Variants in ITSN1 observed in about 807,000 individuals in gnomAD.
ITSN1 encodes intersectin-1.
A neutral mutation model predicts 239.8 loss-of-function variants in ITSN1; 58 were observed. The ratio of observed to expected loss-of-function variants is 0.24; its 90% CI spans 0.20 to 0.30. The LOEUF (loss-of-function observed/expected upper bound fraction) is 0.30, where lower values mean the gene tolerates loss of function less well. Ranked by LOEUF, ITSN1 falls within the 10% of genes least tolerant of loss-of-function variation. The pLI, the probability that ITSN1 is intolerant of heterozygous loss-of-function variation, is 1.00. For missense variants in ITSN1, 1,558 were observed against 2,103.3 expected, an observed-to-expected ratio of 0.74 and a Z score of 5.07; for synonymous variants, 780 against 770.8, an observed-to-expected ratio of 1.01 and a Z score of -0.20.
intron 4 of ITSN1, among the ~76,000 whole-genome samples, chr21:33,728,506 G>A (rs965412209): frequency 1.3e-5 from 2 of 152,240 alleles, no homozygotes; most frequent in East Asian, 1.9e-4. Context: ...GGGATTACAG[G>A]CTTGAGCCAC....
At chr21:33,836,408 G>A (rs763214695) in intron 28 of ITSN1, 33 bp from the exon 29 acceptor site, 6 of 1,530,288 alleles carry the variant, frequency 3.9e-6, no homozygotes, top group South Asian at 2.5e-5. Flanking sequence ...TCCGGCGGGT[G>A]TGCAGCCGCT....
At position 33,894,119 on chromosome 21, in the gene ITSN1, T is replaced by A. The variant is rs1323949124; in HGVS notation, c.*5819T>A. On this transcript the variant is annotated 3_prime_UTR_variant, in exon 40 of 40. Transcript: ENST00000381318. ...TTGGTGGCATTCAAGCAAGCCTAAT[T>A]GGATTAGGTTGGTGCAAAAGTGATT... The A allele has an allele frequency of 1.3e-5, 2 of 152,238 alleles. No individual in the cohort carries two copies. Among genetic ancestry groups the A allele is most frequent in the Non-Finnish European group, 2.9e-5 (2 of 68,038 alleles). The allele number at this position is 152,238 out of a possible 1,614,324, so 9.4% of individuals were successfully genotyped here.
chr21:33,700,038 C>T lies in ITSN1; in HGVS notation c.-32-18759C>T, dbSNP rs541807150. The stretch of plus-strand genomic sequence containing the variant: ...CAGCTTCCCAAAGTGCTAGGAGTAT[C>T]GGTGTGAGCCACCTGCCCTGCTTGA... On this transcript the variant is annotated intron_variant, in intron 1 of 39. Coordinates refer to ENST00000381318, the MANE Select transcript of ITSN1 (RefSeq NM_003024.3). Among the ~76,000 whole-genome samples, 206 of 151,332 alleles carry T rather than the reference C, an allele frequency of 1.4e-3. 1 individual carries two copies. The highest frequency in any genetic ancestry group is 4.5e-3 in the African/African-American group (185 of 41,238).
At chr21:33,791,091 A>G (rs2071090966) in intron 16 of ITSN1, among the ~76,000 whole-genome samples, 1 of 152,170 alleles carries the variant, frequency 6.6e-6, no homozygotes, top group African/African-American at 2.4e-5. Context: ...CCTTCTCGGA[A>G]GTTCAACTTT....
chr21:33,838,270 G>T (rs746723340), intron 29 of ITSN1: 37 of 985,342 alleles, frequency 3.8e-5, no homozygotes, highest in Non-Finnish European at 4.5e-5. Context: ...CTCCCCTCGC[G>T]TTCTCCCGGC....
rs1440879945 is a variant in ITSN1, at chr21:33,888,217, G to C, written c.5083G>C (p.Val1695Leu). 4 of 1,614,190 alleles carry C rather than the reference G, an allele frequency of 2.5e-6. No homozygotes were observed. In the South Asian group the frequency reaches 4.4e-5, roughly 18 times the overall value. Residue 1695 changes from valine (V) to leucine (L), a missense_variant, in exon 40 of 40, where the codon GTT becomes CTT. By Grantham distance (32) the Val-to-Leu change is conservative. Coordinates refer to ENST00000381318, the MANE Select transcript of ITSN1 (RefSeq NM_003024.3). ...IKKDQGSKGP[V>L]TKCLLLHEVP... ...GAAAGACCAGGGCTCCAAAGGTCCA[G>C]TTACGAAGTGTCTTCTGCTGCACGA... is the stretch of plus-strand genomic sequence containing the variant.
chr21:33,825,437 A>G (rs970956464), intron 25 of ITSN1, among the ~76,000 whole-genome samples: 13 of 152,204 alleles, frequency 8.5e-5, no homozygotes, highest in African/African-American at 3.1e-4. Flanking sequence ...TTCAGATACC[A>G]GAACTGACGT....
At chr21:33,704,936 A>G (rs1055427946) in intron 1 of ITSN1, among the ~76,000 whole-genome samples, 2 of 147,110 alleles carry the variant, frequency 1.4e-5, no homozygotes, top group African/African-American at 5.1e-5. Context: ...AAAAAAAAAA[A>G]AAAAAAAAAA....
At chr21:33,690,789 A>G (rs1488939284) in intron 1 of ITSN1, among the ~76,000 whole-genome samples, 1 of 9,866 alleles carries the variant, frequency 1.0e-4, no homozygotes, top group Non-Finnish European at 2.0e-4. Context: ...ATATATATAT[A>G]CATATATATA....
chr21:33,838,139 G>A (rs1569285956), intron 29 of ITSN1: 6 of 985,436 alleles, frequency 6.1e-6, no homozygotes, highest in Admixed American at 1.2e-4. Flanking sequence ...AGCCCTGTTT[G>A]TCTTTTAAAC....
intron 5 of ITSN1, 22 bp downstream of exon 5, chr21:33,735,226 T>C (rs1280612173): frequency 6.2e-7 from 1 of 1,602,086 alleles, no homozygotes; most frequent in African/African-American, 1.3e-5. Flanking sequence ...AATGAATTGG[T>C]TTCTGTATTT....
Position 33,882,536 on chromosome 21 carries a change from T to C in ITSN1, c.4554+81T>C. On this transcript the variant is annotated intron_variant, in intron 35 of 39. Coordinates refer to ENST00000381318, the MANE Select transcript of ITSN1 (RefSeq NM_003024.3). The surrounding 1 kb of genome is among the most constrained non-coding windows in gnomAD (Gnocchi z 4.5). Reference sequence around the variant, plus strand: ...AGTTTCCAAAAAGGAGGTAGAGTTTTAGCAGGGTCAGGGGCTGTGGCATGC... The same window carrying C: ...AGTTTCCAAAAAGGAGGTAGAGTTTCAGCAGGGTCAGGGGCTGTGGCATGC... The C allele has an allele frequency of 8.0e-7, 1 of 1,244,584 alleles. No homozygotes were observed. Among genetic ancestry groups the C allele is most frequent in the Non-Finnish European group, 1.1e-6 (1 of 876,330 alleles). The allele number at this position is 1,244,584 out of a possible 1,614,324, so 77.1% of individuals were successfully genotyped here.
At chr21:33,776,719 C>T (rs996242909) in intron 14 of ITSN1, among the ~76,000 whole-genome samples, 28 of 152,072 alleles carry the variant, frequency 1.8e-4, no homozygotes, top group African/African-American at 6.3e-4. Context: ...TGTGCATCTT[C>T]GTTGAAGTGT....
chr21:33,867,536 C>G (rs1450423182), intron 33 of ITSN1, among the ~76,000 whole-genome samples: 3 of 151,836 alleles, frequency 2.0e-5, no homozygotes, highest in Non-Finnish European at 4.4e-5. Context: ...CACGGTGGCC[C>G]GCGCCTGTAA....
chr21:33,767,220 A>G (rs1029410691), intron 10 of ITSN1, among the ~76,000 whole-genome samples: 2 of 152,044 alleles, frequency 1.3e-5, no homozygotes, highest in African/African-American at 4.8e-5. Flanking sequence ...ATAAAAGTGT[A>G]AAGTGGAAGA....
In ITSN1 at chr21:33,874,301, G is replaced by C. The variant is rs186458445; in HGVS notation, c.4174-1053G>C. ...CACCCCAAATGGTCTGCTTAGAAAA[G>C]CGCACACTTGCTCTGATGCACCCGT... On this transcript the variant is annotated intron_variant, in intron 33 of 39. Coordinates refer to ENST00000381318, the MANE Select transcript of ITSN1 (RefSeq NM_003024.3). Among the ~76,000 whole-genome samples the C allele has an allele frequency of 1.1e-3, 171 of 152,048 alleles. 2 individuals carry two copies. In the South Asian group the frequency reaches 0.013, roughly 12 times the overall value.
At chr21:33,845,521 T>C (rs1393515622) in intron 29 of ITSN1, among the ~76,000 whole-genome samples, 2 of 152,074 alleles carry the variant, frequency 1.3e-5, no homozygotes, top group African/African-American at 2.4e-5. Flanking sequence ...CCGAATCTAC[T>C]TGGTCTGCAA....
At chr21:33,799,783 C>G (rs773864707) in intron 18 of ITSN1, 25 bp from the exon 19 acceptor site, 1 of 1,607,812 alleles carries the variant, frequency 6.2e-7, no homozygotes, top group South Asian at 1.1e-5. Flanking sequence ...TTATTTTTGT[C>G]CCCCCCACCT....
At chr21:33,848,812 C>G (rs2075065862) in intron 29 of ITSN1, among the ~76,000 whole-genome samples, 1 of 152,152 alleles carries the variant, frequency 6.6e-6, no homozygotes, top group Non-Finnish European at 1.5e-5. Context: ...ATTCTTCCTC[C>G]CTCCATTTGA....
Sources: allele counts gnomAD v4.1 joint callset (sites outside exome capture counted in the v4.1 genomes callset), GRCh38; gene constraint gnomAD v4.1.1; non-coding constraint Gnocchi (gnomAD v3.1); transcripts MANE v1.5; gene names NCBI Gene and HGNC (gene_info 2026-07-23, HGNC 2026-07-21).